SPOPL: variants seen among roughly 807,000 people sequenced by gnomAD.
SPOPL encodes the protein speckle-type POZ protein-like.
Under a neutral mutation model 53.8 loss-of-function variants are expected in SPOPL, and 23 were observed. The observed-to-expected ratio is 0.43, with a 90% CI of 0.31 to 0.61. The LOEUF is 0.61. Among genes scored for constraint, SPOPL ranks in the 20% least tolerant of loss-of-function variants. The probability of loss-of-function intolerance (pLI) is 0.12; values close to 1 mark genes in which losing one functional copy is unlikely to be tolerated. For synonymous variants in SPOPL, 164 were observed against 149.7 expected, an observed-to-expected ratio of 1.10 and a Z score of -0.70; for missense variants, 442 against 466.9, an observed-to-expected ratio of 0.95 and a Z score of 0.49.
intron 1 of SPOPL, among the ~76,000 whole-genome samples, chr2:138,520,788 A>G (rs112498884): frequency 2.2e-3 from 331 of 151,996 alleles, no homozygotes; most frequent in African/African-American, 7.3e-3. Flanking sequence ...GGCCCATTGT[A>G]GTTTACTACC....
At chr2:138,567,412 T>C (rs1363264708) in intron 10 of SPOPL, among the ~76,000 whole-genome samples, 1 of 146,400 alleles carries the variant, frequency 6.8e-6, no homozygotes, top group Non-Finnish European at 1.5e-5. Context: ...TGTGTGTGTG[T>C]GTGTGTGTGT....
chr2:138,543,868 A>ATC (rs1195686224), intron 1 of SPOPL, among the ~76,000 whole-genome samples: 7 of 151,986 alleles, frequency 4.6e-5, no homozygotes, highest in Admixed American at 3.3e-4. Context: ...TTGTGGTTTT[A>ATC]TCTACCTTTG....
chr2:138,538,111 G>A lies in SPOPL; in HGVS notation c.-60-12046G>A, dbSNP rs143677312. Among the ~76,000 whole-genome samples, 201 of 152,166 alleles carry A rather than the reference G, an allele frequency of 1.3e-3. 1 individual carries two copies. Among genetic ancestry groups the A allele is most frequent in the African/African-American group, 4.6e-3 (193 of 41,530 alleles). On this transcript the variant is annotated intron_variant, in intron 1 of 10. Transcript: ENST00000280098. ...TAATTTAAATTTTTTTAAATTCGTC[G>A]AGACTTGTTTTGTGGCCTCGGTAGC...
At chr2:138,544,771 G>A (rs565087746) in intron 1 of SPOPL, among the ~76,000 whole-genome samples, 8 of 152,308 alleles carry the variant, frequency 5.3e-5, no homozygotes, top group Non-Finnish European at 8.8e-5. Flanking sequence ...TCCCCAGTGA[G>A]ATAAACCCAG....
chr2:138,550,479 T>A lies in SPOPL; in HGVS notation c.79-4T>A, dbSNP rs375367143. ...TTATAAAAGTGGTTTTCTGAATCTCTTAGGTTAAAGTAGTAAAATTTTCCT... is the reference window on the plus strand; with the variant it reads ...TTATAAAAGTGGTTTTCTGAATCTCATAGGTTAAAGTAGTAAAATTTTCCT... On this transcript the variant is annotated splice_region_variant and splice_polypyrimidine_tract_variant and intron_variant, in intron 2 of 10. Coordinates refer to ENST00000280098, the MANE Select transcript of SPOPL (RefSeq NM_001001664.3). The A allele has an allele frequency of 8.1e-6, 13 of 1,602,108 alleles. No homozygotes were observed. Among genetic ancestry groups the A allele is most frequent in the Admixed American group, 1.7e-5 (1 of 58,132 alleles).
At chr2:138,519,916 G>A (rs962604974) in intron 1 of SPOPL, among the ~76,000 whole-genome samples, 13 of 152,176 alleles carry the variant, frequency 8.5e-5, no homozygotes, top group African/African-American at 3.1e-4. Context: ...CATTTTTTGT[G>A]AAAGTTCCAG....
At chr2:138,509,932 C>G (rs190046038) in intron 1 of SPOPL, among the ~76,000 whole-genome samples, 64 of 152,244 alleles carry the variant, frequency 4.2e-4, no homozygotes, top group Admixed American at 2.7e-3. Context: ...TCCTGCAACC[C>G]CTGACAACCA....
chr2:138,564,126 A>G (rs1685609101), intron 8 of SPOPL, among the ~76,000 whole-genome samples: 1 of 152,220 alleles, frequency 6.6e-6, no homozygotes, highest in Admixed American at 6.5e-5. Context: ...GATTACAAAG[A>G]TGTAGAGGGA....
intron 1 of SPOPL, among the ~76,000 whole-genome samples, chr2:138,543,175 C>T (rs1685113452): frequency 1.3e-5 from 2 of 152,138 alleles, no homozygotes; most frequent in African/African-American, 4.8e-5. Context: ...ACATTTTTTC[C>T]TTCATTTCAA....
At chr2:138,545,177 T>C (rs192454756) in intron 1 of SPOPL, among the ~76,000 whole-genome samples, 109 of 152,298 alleles carry the variant, frequency 7.2e-4, no homozygotes, top group African/African-American at 2.5e-3. Context: ...ATTGCCAGAC[T>C]GGTCAAAGTA....
At chr2:138,541,290 A>G (rs191093848) in intron 1 of SPOPL, among the ~76,000 whole-genome samples, 67 of 152,040 alleles carry the variant, frequency 4.4e-4, no homozygotes, top group African/African-American at 1.4e-3. Context: ...CTCTTTTTCT[A>G]TTGATTGGAG....
At chr2:138,505,008 A>G (rs1451838702) in intron 1 of SPOPL, among the ~76,000 whole-genome samples, 2 of 152,236 alleles carry the variant, frequency 1.3e-5, no homozygotes, top group Non-Finnish European at 2.9e-5. Context: ...CAGTTGAGAA[A>G]GTTTTGCAGC....
At chr2:138,508,328 CTTTA>C (rs1213490974) in intron 1 of SPOPL, among the ~76,000 whole-genome samples, 1 of 152,006 alleles carries the variant, frequency 6.6e-6, no homozygotes, top group Non-Finnish European at 1.5e-5. Context: ...TTTATTCTTT[CTTTA>C]TTTATTTTCT....
In SPOPL at chr2:138,537,389, G is replaced by A. The variant is rs367987357; in HGVS notation, c.-60-12768G>A. The stretch of plus-strand genomic sequence containing the variant: ...GGCTGCATGCACCGGTAATCAGAAC[G>A]GAACAGAACAGTACGGGGATTTTCA... On this transcript the variant is annotated intron_variant, in intron 1 of 10. Coordinates refer to ENST00000280098, the MANE Select transcript of SPOPL (RefSeq NM_001001664.3). Among the ~76,000 whole-genome samples the A allele has an allele frequency of 1.2e-4, 19 of 152,096 alleles. No individual in the cohort carries two copies. The East Asian group carries it at 1.5e-3, about 12-fold the overall frequency.
intron 1 of SPOPL, among the ~76,000 whole-genome samples, chr2:138,549,817 T>A (rs1156785642): frequency 6.6e-6 from 1 of 152,148 alleles, no homozygotes; most frequent in Non-Finnish European, 1.5e-5. Context: ...TGAAGGAGGA[T>A]GAACCAGATA....
At chr2:138,539,505 G>A (rs1424570371) in intron 1 of SPOPL, among the ~76,000 whole-genome samples, 1 of 152,222 alleles carries the variant, frequency 6.6e-6, no homozygotes, top group Non-Finnish European at 1.5e-5. Context: ...GGCCAGTGAT[G>A]ATGAGCATTT....
chr2:138,526,010 C>A (rs898110366), intron 1 of SPOPL, among the ~76,000 whole-genome samples: 2 of 152,040 alleles, frequency 1.3e-5, no homozygotes, highest in African/African-American at 4.8e-5. Flanking sequence ...GATAGTATTA[C>A]CCATGTTTCT....
intron 1 of SPOPL, among the ~76,000 whole-genome samples, chr2:138,521,836 A>G (rs566048095): frequency 2.0e-5 from 3 of 152,324 alleles, no homozygotes; most frequent in African/African-American, 7.2e-5. Context: ...CCCAAAAAAG[A>G]AGTTGAAAGT....
intron 1 of SPOPL, among the ~76,000 whole-genome samples, chr2:138,546,931 C>A (rs1341473909): frequency 1.3e-5 from 2 of 152,036 alleles, no homozygotes; most frequent in East Asian, 3.9e-4. Context: ...CAAAGAAATC[C>A]TTGTAATCTT....
Sources: allele counts gnomAD v4.1 joint callset (sites outside exome capture counted in the v4.1 genomes callset), GRCh38; gene constraint gnomAD v4.1.1; transcripts MANE v1.5; gene names NCBI Gene and HGNC (gene_info 2026-07-23, HGNC 2026-07-21).